Variants in CHRM3 observed in about 807,000 individuals in gnomAD.
CHRM3 encodes cholinergic receptor muscarinic 3, also known as muscarinic acetylcholine receptor M3.
In CHRM3, 11 loss-of-function variants were observed where a neutral mutation model predicts 41.8. The observed-to-expected ratio is 0.26, with a 90% confidence interval of 0.17 to 0.44. The LOEUF is 0.44. Ranked by LOEUF, CHRM3 falls within the 20% of genes least tolerant of loss-of-function variation. The pLI is 1.00. For missense variants in CHRM3, 571 were observed against 745.4 expected (o/e 0.77, Z 2.72); for synonymous variants, 297 against 301.4 (o/e 0.99, Z 0.15).
chr1:239,754,549 C>T (rs1387537749), intron 5 of CHRM3, among the ~76,000 whole-genome samples: 4 of 152,226 alleles, frequency 2.6e-5, no homozygotes, highest in Non-Finnish European at 4.4e-5. Flanking sequence ...CAAGACAGCT[C>T]AGTCATGCAG....
chr1:239,437,851 G>C (rs1663395145), intron 1 of CHRM3, among the ~76,000 whole-genome samples: 1 of 152,166 alleles, frequency 6.6e-6, no homozygotes, highest in Admixed American at 6.5e-5. Flanking sequence ...GGTACTAAAA[G>C]GCCAAACTGT....
chr1:239,664,579 T>G (rs1338461204), intron 4 of CHRM3, among the ~76,000 whole-genome samples: 2 of 152,142 alleles, frequency 1.3e-5, no homozygotes, highest in Non-Finnish European at 2.9e-5. Context: ...CCTAGGCCCC[T>G]TCCTTCCTCT....
intron 1 of CHRM3, among the ~76,000 whole-genome samples, chr1:239,418,460 A>G (rs967193737): frequency 2.0e-5 from 3 of 152,158 alleles, no homozygotes; most frequent in Non-Finnish European, 4.4e-5. Context: ...ACATCTGTGT[A>G]TGTGGTATGT....
chr1:239,863,081 C>T (rs1253591242), intron 6 of CHRM3, among the ~76,000 whole-genome samples: 1 of 152,152 alleles, frequency 6.6e-6, no homozygotes, highest in South Asian at 2.1e-4. Context: ...TAGTTGTGAG[C>T]AGCAGGAGGC....
intron 3 of CHRM3, among the ~76,000 whole-genome samples, chr1:239,599,433 T>G (rs923754953): frequency 1.4e-4 from 21 of 151,982 alleles, no homozygotes; most frequent in African/African-American, 4.6e-4. Context: ...TTACTGTTTT[T>G]TTTTTTTTTT....
At chr1:239,841,524 A>AC (rs1673800667) in intron 6 of CHRM3, among the ~76,000 whole-genome samples, 2 of 152,138 alleles carry the variant, frequency 1.3e-5, no homozygotes, top group Non-Finnish European at 2.9e-5. Context: ...AAGCCCACAG[A>AC]CCCCAAATTG....
At chr1:239,571,312 T>C (rs1661801515) in intron 3 of CHRM3, among the ~76,000 whole-genome samples, 1 of 152,128 alleles carries the variant, frequency 6.6e-6, no homozygotes, top group South Asian at 2.1e-4. Flanking sequence ...TTCTGGGAAG[T>C]ATTTTAGCAA....
intron 3 of CHRM3, chr1:239,629,061 C>T (rs1669419347): frequency 4.4e-5 from 4 of 89,978 alleles, no homozygotes; most frequent in African/African-American, 4.7e-5. Flanking sequence ...CTTTGTTTAC[C>T]TAAGCAAGCC....
intron 1 of CHRM3, among the ~76,000 whole-genome samples, chr1:239,395,650 G>A (rs553331797): frequency 6.6e-6 from 1 of 152,168 alleles, no homozygotes; most frequent in African/African-American, 2.4e-5. Context: ...GGGCTGGGTT[G>A]GGGCCTGAGA....
At chr1:239,448,140 T>C (rs753524973) in intron 1 of CHRM3, among the ~76,000 whole-genome samples, 1 of 152,210 alleles carries the variant, frequency 6.6e-6, no homozygotes, top group Non-Finnish European at 1.5e-5. Flanking sequence ...TAAAATGATT[T>C]GAGGGGATTA....
intron 3 of CHRM3, among the ~76,000 whole-genome samples, chr1:239,627,131 G>A (rs1669057890): frequency 1.3e-5 from 1 of 74,538 alleles, no homozygotes; most frequent in Admixed American, 1.6e-4. Context: ...TAATGTGTGG[G>A]AGTCTAAGTC....
At chr1:239,743,408 A>G (rs559079141) in intron 5 of CHRM3, among the ~76,000 whole-genome samples, 20 of 152,316 alleles carry the variant, frequency 1.3e-4, no homozygotes, top group Non-Finnish European at 2.8e-4. Context: ...TAGTAGAACA[A>G]TAGATACAGG....
intron 2 of CHRM3, among the ~76,000 whole-genome samples, chr1:239,495,879 C>A (rs923775414): frequency 1.3e-5 from 2 of 151,964 alleles, no homozygotes; most frequent in African/African-American, 4.8e-5. Context: ...TTCTAGAATT[C>A]ATTTCATATT....
At chr1:239,698,634 A>C (rs1252569407) in intron 5 of CHRM3, among the ~76,000 whole-genome samples, 1 of 152,230 alleles carries the variant, frequency 6.6e-6, no homozygotes, top group Non-Finnish European at 1.5e-5. Context: ...TCAAGCATAT[A>C]CACTTTTGGC....
intron 1 of CHRM3, among the ~76,000 whole-genome samples, chr1:239,404,757 T>TAC: frequency 1.5e-5 from 2 of 131,038 alleles, no homozygotes; most frequent in South Asian, 5.1e-4. Context: ...TATATATATA[T>TAC]GGAAAATATG....
At chr1:239,847,399 T>C (rs1249338570) in intron 6 of CHRM3, among the ~76,000 whole-genome samples, 5 of 152,204 alleles carry the variant, frequency 3.3e-5, no homozygotes, top group Admixed American at 3.3e-4. Flanking sequence ...TTCAAAATAA[T>C]ACATAAACAT....
chr1:239,439,321 A>G (rs1663521674), intron 1 of CHRM3, among the ~76,000 whole-genome samples: 1 of 152,202 alleles, frequency 6.6e-6, no homozygotes, highest in African/African-American at 2.4e-5. Flanking sequence ...AATTATAGTA[A>G]TAACACTATC....
intron 5 of CHRM3, among the ~76,000 whole-genome samples, chr1:239,702,383 A>G (rs1660765565): frequency 6.6e-6 from 1 of 152,080 alleles, no homozygotes; most frequent in South Asian, 2.1e-4. Flanking sequence ...GGTTTTGCAA[A>G]CACTGTACAC....
At chr1:239,585,607 A>G (rs1337740605) in intron 3 of CHRM3, among the ~76,000 whole-genome samples, 1 of 152,204 alleles carries the variant, frequency 6.6e-6, no homozygotes, top group East Asian at 1.9e-4. Flanking sequence ...GTGTAGCTGC[A>G]ACTAACCATC....
Sources: gnomAD v4.1 joint callset for allele counts (sites outside exome capture counted in the v4.1 genomes callset) on GRCh38, gnomAD v4.1.1 for gene constraint, MANE v1.5 for transcripts, NCBI Gene and HGNC (gene_info 2026-07-23, HGNC 2026-07-21) for gene names.